GATAD2B: variants seen among roughly 807,000 people sequenced by gnomAD.
GATAD2B encodes the protein GATA zinc finger domain containing 2B.
A neutral mutation model predicts 64.3 loss-of-function variants in GATAD2B; 8 were observed. The ratio of observed to expected loss-of-function variants is 0.12; its 90% CI spans 0.07 to 0.22. The LOEUF (loss-of-function observed/expected upper bound fraction) is 0.22, where lower values mean the gene tolerates loss of function less well. Ranked by LOEUF, GATAD2B falls within the 10% of genes least tolerant of loss-of-function variation. The probability of loss-of-function intolerance (pLI) is 1.00; values close to 1 mark genes in which losing one functional copy is unlikely to be tolerated. For synonymous variants in GATAD2B, 281 were observed against 271.3 expected, an observed-to-expected ratio of 1.04 and a Z score of -0.35; for missense variants, 453 against 752.0, an observed-to-expected ratio of 0.60 and a Z score of 4.65.
chr1:153,838,510 T>C (rs1172618833), intron 1 of GATAD2B, among the ~76,000 whole-genome samples: 1 of 152,018 alleles, frequency 6.6e-6, no homozygotes, highest in African/African-American at 2.4e-5. Flanking sequence ...TGCCTCTTTT[T>C]TTTTCCCCCT....
At chr1:153,845,886 G>A (rs1452183727) in intron 1 of GATAD2B, among the ~76,000 whole-genome samples, 1 of 151,896 alleles carries the variant, frequency 6.6e-6, no homozygotes, top group Non-Finnish European at 1.5e-5. Context: ...AGTTTACCAT[G>A]ATTGCACCAT....
intron 1 of GATAD2B, among the ~76,000 whole-genome samples, chr1:153,865,091 T>C (rs1676431225): frequency 1.3e-5 from 2 of 150,920 alleles, no homozygotes; most frequent in African/African-American, 2.4e-5. Flanking sequence ...TATTATTTAG[T>C]ATACTACATA....
At chr1:153,882,158 A>G (rs1677029938) in intron 1 of GATAD2B, among the ~76,000 whole-genome samples, 1 of 152,088 alleles carries the variant, frequency 6.6e-6, no homozygotes, top group African/African-American at 2.4e-5. Flanking sequence ...TCCCCACCCT[A>G]ACTATCCCCC....
In GATAD2B at chr1:153,808,714, G is replaced by A. The variant is rs2101871822; in HGVS notation, c.*1463C>T. On this transcript the variant is annotated 3_prime_UTR_variant, in exon 11 of 11. Transcript: ENST00000368655. ...GCCTGGTCCACTCCGTCTTCCCACA[G>A]TGTGGGCAAATGGGATGCTAATCTC... 6.7e-6 allele frequency: 1 copy of A among 150,084 alleles called. No homozygotes were observed. The highest frequency in any genetic ancestry group is 2.5e-5 in the African/African-American group (1 of 40,540). The allele number at this position is 150,084 out of a possible 1,614,324, so 9.3% of individuals were successfully genotyped here. A position where few individuals can be genotyped will look rare whatever the true frequency, so the allele number is the denominator to read the frequency against.
At chr1:153,867,963 C>G (rs1270517259) in intron 1 of GATAD2B, among the ~76,000 whole-genome samples, 1 of 152,110 alleles carries the variant, frequency 6.6e-6, no homozygotes, top group Admixed American at 6.6e-5. Flanking sequence ...CTCTGGGAGG[C>G]TGAGGTGGGC....
chr1:153,817,186 C>T (rs1043368434), intron 6 of GATAD2B, among the ~76,000 whole-genome samples, 186 bp downstream of exon 6: 2 of 152,212 alleles, frequency 1.3e-5, no homozygotes, highest in South Asian at 2.1e-4. Flanking sequence ...TCCTCCACTA[C>T]TATTTTAATA....
chr1:153,897,911 C>T (rs1175862720), intron 1 of GATAD2B, among the ~76,000 whole-genome samples: 3 of 150,352 alleles, frequency 2.0e-5, no homozygotes, highest in Non-Finnish European at 4.4e-5. Flanking sequence ...TTTGGAAGAC[C>T]TCGACGAACG....
chr1:153,915,066 C>T (rs1678221203), intron 1 of GATAD2B, among the ~76,000 whole-genome samples: 1 of 151,926 alleles, frequency 6.6e-6, no homozygotes, highest in Non-Finnish European at 1.5e-5. Context: ...CTGCTAAAAA[C>T]ACAAAAACTA....
At chr1:153,918,673 C>T (rs1004593043) in intron 1 of GATAD2B, among the ~76,000 whole-genome samples, 14 of 152,212 alleles carry the variant, frequency 9.2e-5, no homozygotes, top group Non-Finnish European at 1.5e-4. Flanking sequence ...ATACTAAGGC[C>T]GGGCACAATG....
At chr1:153,884,822 T>C (rs906004677) in intron 1 of GATAD2B, among the ~76,000 whole-genome samples, 3 of 151,970 alleles carry the variant, frequency 2.0e-5, no homozygotes, top group Non-Finnish European at 4.4e-5. Flanking sequence ...AATGGTGCGA[T>C]CTCAGCTCAC....
intron 1 of GATAD2B, among the ~76,000 whole-genome samples, chr1:153,866,055 T>G (rs1357148874): frequency 6.6e-6 from 1 of 151,894 alleles, no homozygotes; most frequent in East Asian, 1.9e-4. Flanking sequence ...AATACAAAAC[T>G]TAGCCATGTG....
At chr1:153,864,955 A>T (rs1676426201) in intron 1 of GATAD2B, among the ~76,000 whole-genome samples, 2 of 152,150 alleles carry the variant, frequency 1.3e-5, no homozygotes, top group African/African-American at 4.8e-5. Context: ...CTGTAGTCCC[A>T]GCTATTTGGG....
chr1:153,893,363 T>G (rs1336093420), intron 1 of GATAD2B, among the ~76,000 whole-genome samples: 1 of 152,146 alleles, frequency 6.6e-6, no homozygotes, highest in East Asian at 1.9e-4. Flanking sequence ...TCCCAGCACT[T>G]TGGGAGACTG....
chr1:153,879,707 G>A (rs183849808), intron 1 of GATAD2B, among the ~76,000 whole-genome samples: 4 of 145,520 alleles, frequency 2.7e-5, no homozygotes, highest in African/African-American at 5.1e-5. Flanking sequence ...AGGTTGCAGC[G>A]AGCCAACAAT....
chr1:153,852,364 A>AT, intron 1 of GATAD2B: 1 of 862,698 alleles, frequency 1.2e-6, no homozygotes, highest in Non-Finnish European at 2.0e-6. Context: ...GTCGCCTGCC[A>AT]TCACCCTCAT....
chr1:153,841,905 T>C (rs1675510334), intron 1 of GATAD2B, among the ~76,000 whole-genome samples: 1 of 152,212 alleles, frequency 6.6e-6, no homozygotes, highest in Non-Finnish European at 1.5e-5. Flanking sequence ...TATTCCCAGA[T>C]GCAATGTATG....
Position 153,828,097 on chromosome 1 carries a change from C to T in GATAD2B, c.251G>A (p.Arg84Lys). Residue 84 changes from arginine to lysine, a missense_variant, in exon 2 of 11, where the codon AGG becomes AAG. By Grantham distance (26) the Arg-to-Lys change is conservative. This residue lies in a region of GATAD2B where 293 missense variants were observed against 417.2 expected (regional missense o/e 0.70). Transcript: ENST00000368655. ...GYEEKLNGNL[R>K]PHGDNRTAGR... ...AGCAGTCCTGTTGTCTCCATGAGGCCTGAGATTCCCGTTAAGTTTTTCTTC... is the reference window on the plus strand; with the variant it reads ...AGCAGTCCTGTTGTCTCCATGAGGCTTGAGATTCCCGTTAAGTTTTTCTTC... 6.2e-7 allele frequency: 1 copy of T among 1,614,160 alleles called. No homozygotes were observed. The highest frequency in any genetic ancestry group is 8.5e-7 in the Non-Finnish European group (1 of 1,180,036).
intron 1 of GATAD2B, among the ~76,000 whole-genome samples, chr1:153,914,307 G>T (rs1037933635): frequency 7.3e-5 from 11 of 149,718 alleles, no homozygotes; most frequent in Non-Finnish European, 1.3e-4. Flanking sequence ...AAATAATACA[G>T]TGCTTTACAG....
At chr1:153,837,148 GGATA>G (rs1675294951) in intron 1 of GATAD2B, among the ~76,000 whole-genome samples, 3 of 152,178 alleles carry the variant, frequency 2.0e-5, no homozygotes, top group South Asian at 4.1e-4. Flanking sequence ...AGACACAAAA[GGATA>G]AATATTGTAT....
Sources: allele counts gnomAD v4.1 joint callset (sites outside exome capture counted in the v4.1 genomes callset), GRCh38; gene constraint gnomAD v4.1.1; regional missense constraint gnomAD v4.1.1; transcripts MANE v1.5; gene names NCBI Gene and HGNC (gene_info 2026-07-23, HGNC 2026-07-21).